The following TSPAN5 variants were observed in gnomAD, a reference collection of about 807,000 sequenced individuals.
TSPAN5 encodes the protein tetraspanin-5.
Under a neutral mutation model 37.1 loss-of-function variants are expected in TSPAN5, and 10 were observed. The ratio of observed to expected loss-of-function variants is 0.27; its 90% CI spans 0.17 to 0.46. The LOEUF (loss-of-function observed/expected upper bound fraction) is 0.46, where lower values mean the gene tolerates loss of function less well. Among genes scored for constraint, TSPAN5 ranks in the 20% least tolerant of loss-of-function variants. TSPAN5 has a pLI of 1.00. For missense variants in TSPAN5, 195 were observed against 326.6 expected, an observed-to-expected ratio of 0.60 and a Z score of 3.11; for synonymous variants, 110 against 118.9, an observed-to-expected ratio of 0.93 and a Z score of 0.48.
chr4:98,608,785 G>A (rs951169421), intron 1 of TSPAN5, among the ~76,000 whole-genome samples: 3 of 152,076 alleles, frequency 2.0e-5, no homozygotes, highest in Admixed American at 1.3e-4. Context: ...CTCTCTCCTC[G>A]ACAGTTCTCT....
In TSPAN5 at chr4:98,561,501, G is replaced by A. The variant is rs559261688; in HGVS notation, c.82-53773C>T. On this transcript the variant is annotated intron_variant, in intron 1 of 7. Coordinates refer to ENST00000305798, the MANE Select transcript of TSPAN5 (RefSeq NM_005723.4). ...ATTGAATAAATGCTACTGAAAGCAT[G>A]AAAAAAGCAAGTAGGTCAATAAGTA... Among the ~76,000 whole-genome samples the A allele has an allele frequency of 1.6e-4, 25 of 152,320 alleles. No individual in the cohort carries two copies. In the South Asian group the frequency reaches 3.1e-3, roughly 19 times the overall value.
intron 1 of TSPAN5, among the ~76,000 whole-genome samples, chr4:98,542,112 G>A (rs1754372320): frequency 1.3e-5 from 2 of 152,122 alleles, no homozygotes; most frequent in Admixed American, 1.3e-4. Flanking sequence ...TGTGTAAAGG[G>A]ATAATAATAT....
At chr4:98,645,549 T>G (rs1251523346) in intron 1 of TSPAN5, among the ~76,000 whole-genome samples, 2 of 152,208 alleles carry the variant, frequency 1.3e-5, no homozygotes, top group Non-Finnish European at 2.9e-5. Flanking sequence ...GCCACTTGTA[T>G]GCATATTAAA....
chr4:98,490,201 A>G (rs1167623921), intron 2 of TSPAN5, among the ~76,000 whole-genome samples: 1 of 152,212 alleles, frequency 6.6e-6, no homozygotes, highest in African/African-American at 2.4e-5. Context: ...TTGTACATAA[A>G]GAGCTCAGTG....
At chr4:98,505,039 T>C (rs1419743786) in intron 2 of TSPAN5, among the ~76,000 whole-genome samples, 1 of 152,060 alleles carries the variant, frequency 6.6e-6, no homozygotes, top group Non-Finnish European at 1.5e-5. Context: ...AGGGCATTAA[T>C]AACCCTATTC....
At chr4:98,516,217 T>C (rs1376465626) in intron 1 of TSPAN5, among the ~76,000 whole-genome samples, 3 of 152,184 alleles carry the variant, frequency 2.0e-5, no homozygotes, top group Admixed American at 2.0e-4. Context: ...TCTCCCACTC[T>C]CTGGACAGAT....
intron 1 of TSPAN5, among the ~76,000 whole-genome samples, chr4:98,653,589 G>A (rs894054352): frequency 6.6e-6 from 1 of 152,066 alleles, no homozygotes; most frequent in Admixed American, 6.6e-5. Flanking sequence ...TCATTACCTA[G>A]TAGTAATGAT....
chr4:98,619,866 C>A (rs1344493521), intron 1 of TSPAN5, among the ~76,000 whole-genome samples: 1 of 152,142 alleles, frequency 6.6e-6, no homozygotes, highest in East Asian at 1.9e-4. Context: ...TGCGTCCTCA[C>A]GTGTTGGAAG....
intron 1 of TSPAN5, among the ~76,000 whole-genome samples, chr4:98,521,241 T>G (rs2110117468): frequency 6.6e-6 from 1 of 152,298 alleles, no homozygotes; most frequent in South Asian, 2.1e-4. Context: ...GCACTGACAT[T>G]ACAAGTGAGT....
intron 3 of TSPAN5, 192 bp from the exon 4 acceptor site, chr4:98,482,367 T>C (rs1437371404): frequency 3.4e-5 from 17 of 505,032 alleles, no homozygotes; most frequent in Admixed American, 1.5e-4. Context: ...AAAAATCATT[T>C]TATAATCACA....
chr4:98,567,856 G>A (rs960575939), intron 1 of TSPAN5, among the ~76,000 whole-genome samples: 1 of 152,124 alleles, frequency 6.6e-6, no homozygotes, highest in African/African-American at 2.4e-5. Flanking sequence ...TATAGCCGTG[G>A]GTACTGGAAG....
intron 1 of TSPAN5, among the ~76,000 whole-genome samples, chr4:98,554,463 T>C (rs1287497443): frequency 2.0e-5 from 3 of 152,222 alleles, no homozygotes; most frequent in Admixed American, 2.0e-4. Context: ...TACAAATCCA[T>C]AATCTAACGC....
At chr4:98,488,030 T>G (rs1004901096) in intron 2 of TSPAN5, among the ~76,000 whole-genome samples, 12 of 152,146 alleles carry the variant, frequency 7.9e-5, no homozygotes, top group Non-Finnish European at 1.3e-4. Context: ...TAGTTTGCTG[T>G]AAAGCCTTAA....
intron 1 of TSPAN5, among the ~76,000 whole-genome samples, chr4:98,557,778 T>C (rs1357227688): frequency 6.6e-6 from 1 of 152,220 alleles, no homozygotes; most frequent in African/African-American, 2.4e-5. Flanking sequence ...GTTGACAGGA[T>C]GTACCCCTGA....
At chr4:98,474,801 G>A (rs1230752550) in intron 7 of TSPAN5, among the ~76,000 whole-genome samples, 1 of 152,126 alleles carries the variant, frequency 6.6e-6, no homozygotes. Context: ...AGCCTGCTGA[G>A]TAGCTAGGAC....
chr4:98,560,471 G>A lies in TSPAN5; in HGVS notation c.82-52743C>T, dbSNP rs527876867. 2.6e-4 allele frequency among the ~76,000 whole-genome samples: 39 copies of A among 152,308 alleles called. No individual in the cohort carries two copies. In the South Asian group the frequency reaches 7.7e-3, roughly 30 times the overall value. ...TAAGCACAGAGAAATAAAATTGAAT[G>A]AGATTGAAGAGACTAATATCTTCAA... On this transcript the variant is annotated intron_variant, in intron 1 of 7. Transcript: ENST00000305798.
At chr4:98,485,248 T>G (rs1427716374) in intron 3 of TSPAN5, 2 of 152,444 alleles carry the variant, frequency 1.3e-5, no homozygotes, top group African/African-American at 4.8e-5. Flanking sequence ...ACTGGAGCAC[T>G]GAGATGCCTC....
At chr4:98,480,047 T>C (rs1341706906) in intron 4 of TSPAN5, among the ~76,000 whole-genome samples, 1 of 152,124 alleles carries the variant, frequency 6.6e-6, no homozygotes, top group Admixed American at 6.6e-5. Flanking sequence ...CAGAAGGCGG[T>C]GACCCCCCTG....
rs1752577291 is a variant in TSPAN5 at position 98,471,292 on chromosome 4, CAA to C, written c.*1228_*1229del. Reference sequence around the variant, plus strand: ...CTTTTGACTGGGTCAATGTTGTTTCCAAATTGGGTTTAATTCCATTCAAAGAG... The same window carrying C: ...CTTTTGACTGGGTCAATGTTGTTTCCATTGGGTTTAATTCCATTCAAAGAG... On this transcript the variant is annotated 3_prime_UTR_variant, in exon 8 of 8. Transcript: ENST00000305798. 1 of 151,944 alleles carries C rather than the reference CAA, an allele frequency of 6.6e-6. No individual in the cohort carries two copies. The highest frequency in any genetic ancestry group is 2.4e-5 in the African/African-American group (1 of 41,346). The allele number at this position is 151,944 out of a possible 1,614,324, so 9.4% of individuals were successfully genotyped here.
Sources: gnomAD v4.1 joint callset for allele counts (sites outside exome capture counted in the v4.1 genomes callset) on GRCh38, gnomAD v4.1.1 for gene constraint, MANE v1.5 for transcripts, NCBI Gene and HGNC (gene_info 2026-07-23, HGNC 2026-07-21) for gene names.